LSS: variants seen among roughly 807,000 people sequenced by gnomAD.
LSS encodes 2,3-epoxysqualene-lanosterol cyclase.
In LSS, 90 loss-of-function variants were observed where a neutral mutation model predicts 110.3. The ratio of observed to expected loss-of-function variants is 0.82; its 90% confidence interval spans 0.69 to 0.97. The LOEUF is 0.97. LSS is among the 50% of genes least tolerant of loss of function. The probability of loss-of-function intolerance (pLI) is 0.00; values close to 1 mark genes in which losing one functional copy is unlikely to be tolerated. For missense variants in LSS, 927 were observed against 990.0 expected (o/e 0.94, Z 0.85); for synonymous variants, 433 against 400.0 (o/e 1.08, Z -0.98).
chr21:46,208,520 G>GC lies in LSS; in HGVS notation c.1267-220dup, dbSNP rs775302716. Among the ~76,000 whole-genome samples, 5 of 152,210 alleles carry GC rather than the reference G, an allele frequency of 3.3e-5. 1 individual carries two copies. The highest frequency in any genetic ancestry group is 3.3e-4 in the Admixed American group (5 of 15,288). On this transcript the variant is annotated intron_variant, in intron 13 of 21. Transcript: ENST00000397728. ...AGCTGCTGGGAAACGTGACTGGCCA[G>GC]CGAGGGCTCAAACCAGCCCAGACGG...
rs1182413348 is a variant in LSS, at chr21:46,189,193, T to G, written c.*1911A>C. 9.0e-6 allele frequency: 2 copies of G among 221,142 alleles called. No homozygotes were observed. The highest frequency in any genetic ancestry group is 1.8e-5 in the Non-Finnish European group (2 of 109,186). The allele number at this position is 221,142 out of a possible 1,614,324, so 13.7% of individuals were successfully genotyped here. On this transcript the variant is annotated 3_prime_UTR_variant, in exon 22 of 22. Coordinates refer to ENST00000397728, the MANE Select transcript of LSS (RefSeq NM_002340.6). ...ATAAAAGTGACTTTCAGTAACATTT[T>G]CAGTATAAAAATGGATTTACATTTC... is the stretch of plus-strand genomic sequence containing the variant.
intron 12 of LSS, 99 bp downstream of exon 12, chr21:46,210,589 G>A: frequency 1.7e-6 from 2 of 1,180,866 alleles, no homozygotes; most frequent in Middle Eastern, 1.9e-4. Flanking sequence ...ATCGAGGAGT[G>A]GCAAGTGTGT....
chr21:46,209,690 T>C lies in LSS; in HGVS notation c.1195-65A>G. 2.1e-6 allele frequency: 3 copies of C among 1,423,254 alleles called. No individual in the cohort carries two copies. The highest frequency in any genetic ancestry group is 2.9e-6 in the Non-Finnish European group (3 of 1,026,358). The allele number at this position is 1,423,254 out of a possible 1,614,324, so 88.2% of individuals were successfully genotyped here. On this transcript the variant is annotated intron_variant, in intron 12 of 21. Transcript: ENST00000397728. The surrounding 1 kb of genome is among the most constrained non-coding windows in gnomAD (Gnocchi z 4.4). Reference sequence around the variant, plus strand: ...GCACGGCCAGCATGGCTGCGCTGGTTTCCCGATGGTCCTGGCCACATCCTG... The same window carrying C: ...GCACGGCCAGCATGGCTGCGCTGGTCTCCCGATGGTCCTGGCCACATCCTG...
chr21:46,221,326 A>G (rs1237463207), intron 5 of LSS, among the ~76,000 whole-genome samples: 1 of 149,238 alleles, frequency 6.7e-6, no homozygotes, highest in Non-Finnish European at 1.5e-5. Flanking sequence ...AATTCAGGAA[A>G]CAAACAGAAT....
At chr21:46,224,178 G>T (rs4819217) in intron 3 of LSS, among the ~76,000 whole-genome samples, 72,695 of 151,924 alleles carry the variant, frequency 0.48, 18,456 homozygotes, top group African/African-American at 0.66. Flanking sequence ...GGCATAAGTT[G>T]TCTTTCTCTG....
Position 46,189,595 on chromosome 21 carries a change from CTG to C in LSS, c.*1507_*1508del. ...GCGGCACCTGGGTGAGAGCCCTGGA[CTG>C]CACACCAAGGCAGAGGGGTGCCCCT... On this transcript the variant is annotated 3_prime_UTR_variant, in exon 22 of 22. Coordinates refer to ENST00000397728, the MANE Select transcript of LSS (RefSeq NM_002340.6). The C allele has an allele frequency of 8.9e-6, 4 of 450,366 alleles. No homozygotes were observed. In the Admixed American group the frequency reaches 9.5e-5, roughly 11 times the overall value. The allele number at this position is 450,366 out of a possible 1,614,324, so 27.9% of individuals were successfully genotyped here.
At position 46,191,075 on chromosome 21, in the gene LSS, C is replaced by G. The variant is rs1378708279; in HGVS notation, c.*29G>C. ...GACCCCTTGGCCTCACTGGAACGCA[C>G]AGACGGCACCCAGCAGGTAGGCATG... On this transcript the variant is annotated 3_prime_UTR_variant, in exon 22 of 22. Coordinates refer to ENST00000397728, the MANE Select transcript of LSS (RefSeq NM_002340.6). The G allele has an allele frequency of 6.2e-7, 1 of 1,613,366 alleles. No homozygotes were observed. The highest frequency in any genetic ancestry group is 8.5e-7 in the Non-Finnish European group (1 of 1,179,816).
intron 3 of LSS, among the ~76,000 whole-genome samples, chr21:46,225,749 A>G (rs1295804087): frequency 1.3e-5 from 2 of 152,180 alleles, no homozygotes; most frequent in African/African-American, 4.8e-5. Flanking sequence ...GCTGCCAGGC[A>G]GGGAAGAGCC....
rs1489644546 is a variant in LSS, at chr21:46,219,457, C to A, written c.647+19G>T. The A allele has an allele frequency of 6.4e-7, 1 of 1,560,352 alleles. No individual in the cohort carries two copies. Among genetic ancestry groups the A allele is most frequent in the Non-Finnish European group, 8.7e-7 (1 of 1,149,638 alleles). On this transcript the variant is annotated intron_variant, in intron 6 of 21. Transcript: ENST00000397728. Reference sequence around the variant, plus strand: ...GGACAGCAGCAGCGACCCAACAACCCAATCAACAGCAGACATACCACATCT... The same window carrying A: ...GGACAGCAGCAGCGACCCAACAACCAAATCAACAGCAGACATACCACATCT...
rs773934097 is a variant in LSS at position 46,228,725 on chromosome 21, G to A, written c.14+7C>T. On this transcript the variant is annotated splice_region_variant and intron_variant, in intron 1 of 21. Coordinates refer to ENST00000397728, the MANE Select transcript of LSS (RefSeq NM_002340.6). ...ATTCGTCAGGAGCCCGGGGCGAGGG[G>A]ACTCACGTGCCCTCCGTCATTGCTG... 2 of 1,601,416 alleles carry A rather than the reference G, an allele frequency of 1.2e-6. No homozygotes were observed. The highest frequency in any genetic ancestry group is 2.2e-5 in the East Asian group (1 of 44,692).
intron 20 of LSS, among the ~76,000 whole-genome samples, chr21:46,194,245 T>C (rs1159808499): frequency 6.6e-6 from 1 of 152,180 alleles, no homozygotes. Context: ...ACATGGCTAA[T>C]GGTGGGTGGT....
chr21:46,207,818 C>T (rs1036315015), intron 14 of LSS, among the ~76,000 whole-genome samples: 2 of 152,238 alleles, frequency 1.3e-5, no homozygotes, highest in African/African-American at 2.4e-5. Context: ...GATCTCACGA[C>T]GGACAGGATG....
In LSS at chr21:46,228,449, G is replaced by C. The variant is rs1454357572; in HGVS notation, c.165C>G (p.Ala55=). The change falls in exon 2 of 22, where the codon GCC becomes GCG. Residue 55 remains alanine (A), a synonymous_variant. Transcript: ENST00000397728. ...GREQTGLEAY[A]LGLDTKNYFK... is the part of the protein sequence containing the mutation. The stretch of plus-strand genomic sequence containing the variant: ...AGCAACTTACGGTGTCCAGCCCCAG[G>C]GCGTAGGCTTCCAGGCCGGTCTGCT... 6.2e-7 allele frequency: 1 copy of C among 1,603,340 alleles called. No homozygotes were observed. Among genetic ancestry groups the C allele is most frequent in the Admixed American group, 1.7e-5 (1 of 59,996 alleles).
At chr21:46,225,273 C>A in intron 3 of LSS, 1 of 364,422 alleles carries the variant, frequency 2.7e-6, no homozygotes, top group South Asian at 2.1e-5. Flanking sequence ...GAGAAGTGAC[C>A]AGAAGACAAG....
intron 18 of LSS, 78 bp downstream of exon 18, chr21:46,196,124 A>G: frequency 1.4e-6 from 2 of 1,416,330 alleles, no homozygotes; most frequent in South Asian, 2.3e-5. Context: ...ACAAGCCAAC[A>G]TTTATGAACG....
In LSS at chr21:46,209,597, G is replaced by A. The variant is rs769927478; in HGVS notation, c.1223C>T (p.Ser408Leu). ...EAGGHHRPEF[S>L]SCLQKAHEFL... is the part of the protein sequence containing the mutation. ...CTCATGAGCCTTCTGCAGGCAGGAC[G>A]AAAACTCGGGCCTGTGGTGCCCGCC... is the stretch of plus-strand genomic sequence containing the variant. The change falls in exon 13 of 22, where the codon TCG becomes TTG. Residue 408 changes from serine to leucine, a missense_variant. By Grantham distance (145) the Ser-to-Leu change is moderately radical. Coordinates refer to ENST00000397728, the MANE Select transcript of LSS (RefSeq NM_002340.6). This position sits in a 1 kb window ranked among gnomAD's most constrained non-coding sequence, Gnocchi z 4.4. The A allele has an allele frequency of 1.2e-4, 187 of 1,600,354 alleles. No homozygotes were observed. The highest frequency in any genetic ancestry group is 1.5e-4 in the Non-Finnish European group (177 of 1,174,554).
At chr21:46,221,007 G>A (rs1405670281) in intron 5 of LSS, among the ~76,000 whole-genome samples, 15 of 148,644 alleles carry the variant, frequency 1.0e-4, no homozygotes, top group South Asian at 4.4e-4. Context: ...TAGCCAGGCC[G>A]GGGCTTGGAT....
chr21:46,228,621 C>T, intron 1 of LSS, 22 bp from the exon 2 acceptor site: 3 of 1,591,794 alleles, frequency 1.9e-6, no homozygotes, highest in Non-Finnish European at 2.6e-6. Context: ...CGGCCATCAG[C>T]GACCCAGGCC....
At chr21:46,210,618 C>T (rs2080116510) in intron 12 of LSS, 70 bp downstream of exon 12, 2 of 1,471,130 alleles carry the variant, frequency 1.4e-6, no homozygotes, top group African/African-American at 1.4e-5. Context: ...GTGCTGCCCT[C>T]AGGTGGATGC....
Sources: allele counts gnomAD v4.1 joint callset (sites outside exome capture counted in the v4.1 genomes callset), GRCh38; gene constraint gnomAD v4.1.1; non-coding constraint Gnocchi (gnomAD v3.1); transcripts MANE v1.5; gene names NCBI Gene and HGNC (gene_info 2026-07-23, HGNC 2026-07-21).